VKORC1L1: variants seen among roughly 807,000 people sequenced by gnomAD.
VKORC1L1 encodes vitamin K epoxide reductase complex subunit 1-like protein 1.
In VKORC1L1, 2 loss-of-function variants were observed where a neutral mutation model predicts 18.9. That is an observed-to-expected ratio of 0.11 (90% CI 0.04 to 0.33). The LOEUF (loss-of-function observed/expected upper bound fraction) is 0.33. VKORC1L1 is among the 10% of genes least tolerant of loss of function. VKORC1L1 has a pLI of 1.00. For synonymous variants in VKORC1L1, 96 were observed against 100.0 expected (o/e 0.96, Z 0.24); for missense variants, 123 against 224.1 (o/e 0.55, Z 2.88).
chr7:65,886,057 G>A (rs538656441), intron 1 of VKORC1L1, among the ~76,000 whole-genome samples: 12 of 152,260 alleles, frequency 7.9e-5, no homozygotes, highest in Non-Finnish European at 1.0e-4. Flanking sequence ...GATGCTTATT[G>A]TGGCATTGTT....
intron 1 of VKORC1L1, among the ~76,000 whole-genome samples, chr7:65,933,020 G>A (rs925582391): frequency 1.3e-5 from 2 of 148,764 alleles, no homozygotes; most frequent in Admixed American, 6.9e-5. Flanking sequence ...GGAGGTTGCA[G>A]TGAGCCGAGA....
chr7:65,872,584 T>C (rs1788739807), upstream of VKORC1L1, among the ~76,000 whole-genome samples: 1 of 152,196 alleles, frequency 6.6e-6, no homozygotes, highest in Non-Finnish European at 1.5e-5. Flanking sequence ...TGCCTCGGCC[T>C]CCCAAAGTGT....
chr7:65,942,259 G>A (rs558699198), intron 1 of VKORC1L1, among the ~76,000 whole-genome samples: 3 of 151,826 alleles, frequency 2.0e-5, no homozygotes, highest in South Asian at 2.1e-4. Flanking sequence ...AGGCTGAGAC[G>A]AGCGGATCAT....
chr7:65,907,189 C>T (rs575474322), intron 1 of VKORC1L1, among the ~76,000 whole-genome samples: 1 of 152,160 alleles, frequency 6.6e-6, no homozygotes, highest in Admixed American at 6.5e-5. Flanking sequence ...CCTGTAATCC[C>T]AAGCACTTTG....
chr7:65,919,978 A>G (rs1172730850), intron 1 of VKORC1L1, among the ~76,000 whole-genome samples: 4 of 152,002 alleles, frequency 2.6e-5, no homozygotes, highest in Non-Finnish European at 5.9e-5. Context: ...ATCATGGCCT[A>G]AAGACCCCAT....
intron 1 of VKORC1L1, among the ~76,000 whole-genome samples, chr7:65,910,674 GT>G (rs201851155): frequency 3.0e-4 from 44 of 146,296 alleles, no homozygotes; most frequent in East Asian, 2.2e-3. Context: ...CACTTTGCAA[GT>G]TTTTTTTTTT....
At chr7:65,941,626 G>C (rs1425446597) in intron 1 of VKORC1L1, among the ~76,000 whole-genome samples, 2 of 151,296 alleles carry the variant, frequency 1.3e-5, no homozygotes, top group Admixed American at 6.6e-5. Context: ...GAAGGGAATG[G>C]GTGCCTCTAA....
chr7:65,935,015 C>T (rs1270234693), intron 1 of VKORC1L1, among the ~76,000 whole-genome samples: 1 of 148,296 alleles, frequency 6.7e-6, no homozygotes, highest in Non-Finnish European at 1.5e-5. Context: ...GATCGCACCA[C>T]TGCACTCCAG....
chr7:65,948,718 G>A lies in VKORC1L1; in HGVS notation c.242G>A (p.Gly81Asp). The change falls in exon 2 of 3, where the codon GGT (glycine) becomes GAT (aspartate). Residue 81 changes from glycine (G) to aspartate (D), a missense_variant. By Grantham distance (94) the Gly-to-Asp change is moderately conservative. Transcript: ENST00000360768. ...TTGGGTTCCATTTTTGGAAAGGATG[G>A]TGTATTAAACCAGCCAAACAGTGTC... ...GLLGSIFGKDGVLNQPNSVFG... is the reference protein window; with the variant it reads ...GLLGSIFGKDDVLNQPNSVFG... The A allele has an allele frequency of 7.2e-7, 1 of 1,379,816 alleles. No homozygotes were observed. The highest frequency in any genetic ancestry group is 9.8e-7 in the Non-Finnish European group (1 of 1,020,468). 85.5% of individuals were successfully genotyped at this position (1,379,816 alleles called of 1,614,324 possible). A position where few individuals can be genotyped will look rare whatever the true frequency, so the allele number is the denominator to read the frequency against.
At chr7:65,919,199 C>T (rs918013020) in intron 1 of VKORC1L1, among the ~76,000 whole-genome samples, 11 of 152,164 alleles carry the variant, frequency 7.2e-5, no homozygotes, top group African/African-American at 2.4e-4. Flanking sequence ...TCATCCTTAA[C>T]GGCTCTGATG....
At chr7:65,875,285 T>A (rs1486291220) in intron 1 of VKORC1L1, among the ~76,000 whole-genome samples, 4 of 152,236 alleles carry the variant, frequency 2.6e-5, no homozygotes, top group African/African-American at 7.2e-5. Context: ...GTAGTTTATA[T>A]GCAGGCTGAT....
At chr7:65,928,175 G>A (rs1048344775) in intron 1 of VKORC1L1, among the ~76,000 whole-genome samples, 1 of 149,954 alleles carries the variant, frequency 6.7e-6, no homozygotes, top group Non-Finnish European at 1.5e-5. Context: ...AGTTTGTTGA[G>A]TTTAGAGAAA....
chr7:65,913,805 A>G (rs964433410), intron 1 of VKORC1L1, among the ~76,000 whole-genome samples: 53 of 151,436 alleles, frequency 3.5e-4, no homozygotes, highest in Non-Finnish European at 6.5e-4. Context: ...ATGAACATTC[A>G]GAGGTCTGAT....
intron 1 of VKORC1L1, among the ~76,000 whole-genome samples, chr7:65,876,562 C>A (rs922917919): frequency 4.6e-5 from 7 of 151,646 alleles, no homozygotes; most frequent in African/African-American, 1.7e-4. Flanking sequence ...TCCCATAAAT[C>A]GGTGAAAACT....
At position 65,898,720 on chromosome 7, in the gene VKORC1L1, C is replaced by G. The variant is rs534412384; in HGVS notation, c.194+25155C>G. 8.5e-5 allele frequency among the ~76,000 whole-genome samples: 13 copies of G among 152,234 alleles called. 1 individual carries two copies. The South Asian group carries it at 1.2e-3, about 15-fold the overall frequency. On this transcript the variant is annotated intron_variant, in intron 1 of 2. Transcript: ENST00000360768. Reference sequence around the variant, plus strand: ...GATAAAATACATGTAGCAAAACTTACTATCTTAAACATTTTTAAGGGTACT... The same window carrying G: ...GATAAAATACATGTAGCAAAACTTAGTATCTTAAACATTTTTAAGGGTACT...
intron 1 of VKORC1L1, among the ~76,000 whole-genome samples, chr7:65,914,233 A>G (rs1045822067): frequency 6.6e-6 from 1 of 152,142 alleles, no homozygotes; most frequent in Non-Finnish European, 1.5e-5. Flanking sequence ...AGCCAAAGCT[A>G]CAGGTGTGCA....
At chr7:65,944,472 C>T (rs1047760241) in intron 1 of VKORC1L1, among the ~76,000 whole-genome samples, 1 of 151,888 alleles carries the variant, frequency 6.6e-6, no homozygotes, top group African/African-American at 2.4e-5. Context: ...GTGATGGGTA[C>T]CTGGGTTTTT....
At chr7:65,867,403 T>G in the VKORC1L1 span, among the ~76,000 whole-genome samples, 1 of 152,150 alleles carries the variant, frequency 6.6e-6, no homozygotes, top group Non-Finnish European at 1.5e-5. Context: ...GATATTTAAG[T>G]TACTCTTATT....
Position 65,873,534 on chromosome 7 carries a change from T to C in VKORC1L1, c.163T>C (p.Trp55Arg). The stretch of plus-strand genomic sequence containing the variant: ...CCGGGCCCTCTGCGACCTGGGGCCC[T>C]GGGTGAAGTGCTCCGCCGCCCTTGC... ...EHRALCDLGPWVKCSAALASR... is the reference protein window; with the variant it reads ...EHRALCDLGPRVKCSAALASR... Residue 55 changes from tryptophan to arginine, a missense_variant, in exon 1 of 3, where the codon TGG (tryptophan) becomes CGG (arginine). Physicochemically the swap from Trp to Arg is moderately radical, Grantham distance 101 (BLOSUM62 -3). Around this residue, in one of 4 missense-constraint regions of VKORC1L1, gnomAD observed 60 missense variants for 76.9 expected, o/e 0.78. Transcript: ENST00000360768. The C allele has an allele frequency of 6.4e-7, 1 of 1,572,940 alleles. No individual in the cohort carries two copies. The highest frequency in any genetic ancestry group is 8.6e-7 in the Non-Finnish European group (1 of 1,162,410).
Sources: gnomAD v4.1 joint callset for allele counts (sites outside exome capture counted in the v4.1 genomes callset) on GRCh38, gnomAD v4.1.1 for gene constraint, gnomAD v4.1.1 regional missense constraint, MANE v1.5 for transcripts, NCBI Gene and HGNC (gene_info 2026-07-23, HGNC 2026-07-21) for gene names.